The following DNA2 variants were observed in gnomAD, a reference collection of about 807,000 sequenced individuals.
DNA2 encodes DNA replication ATP-dependent helicase/nuclease DNA2.
DNA2 carries 101 observed loss-of-function variants against 119.1 expected under a neutral mutation model. That is an observed-to-expected ratio of 0.85 (90% CI 0.72 to 1.00). The LOEUF (loss-of-function observed/expected upper bound fraction) is 1.00, where lower values mean the gene tolerates loss of function less well. Among genes scored for constraint, DNA2 ranks in the 50% least tolerant of loss-of-function variants. The pLI is 0.00. For missense variants in DNA2, 1,121 were observed against 1,255.5 expected, an observed-to-expected ratio of 0.89 and a Z score of 1.62; for synonymous variants, 366 against 424.4, an observed-to-expected ratio of 0.86 and a Z score of 1.69.
At chr10:68,418,743 G>A (rs2051625681) in intron 19 of DNA2, among the ~76,000 whole-genome samples, 1 of 149,340 alleles carries the variant, frequency 6.7e-6, no homozygotes, top group African/African-American at 2.5e-5. Context: ...TACGATCTCG[G>A]CTCACTGCAA....
chr10:68,449,781 T>C (rs191953154), intron 6 of DNA2, among the ~76,000 whole-genome samples: 1 of 151,642 alleles, frequency 6.6e-6, no homozygotes, highest in Admixed American at 6.6e-5. Flanking sequence ...GGCATGATGG[T>C]GAGGGCCTGT....
chr10:68,450,575 G>A (rs10458651), intron 5 of DNA2, among the ~76,000 whole-genome samples: 13,565 of 152,128 alleles, frequency 0.089, 916 homozygotes, highest in South Asian at 0.24. Flanking sequence ...CTCTGCTCAT[G>A]GAATTTAGTC....
At position 68,468,275 on chromosome 10, in the gene DNA2, T is replaced by A; in HGVS notation, c.289A>T (p.Ile97Phe). 6.2e-7 allele frequency: 1 copy of A among 1,608,058 alleles called. No homozygotes were observed. The highest frequency in any genetic ancestry group is 2.2e-5 in the East Asian group (1 of 44,708). The change falls in exon 3 of 21, where the codon ATT becomes TTT. Residue 97 changes from isoleucine (I) to phenylalanine (F), a missense_variant. Ile to Phe is a conservative substitution (Grantham distance 21). Coordinates refer to ENST00000358410, the MANE Select transcript of DNA2 (RefSeq NM_001080449.3). ...CSVPVEPGDI[I>F]HLEGDCTSDT... ...GATGTGCAGTCTCCCTCCAAATGAA[T>A]GATATCTCCTGGCTCTACTGGAACA...
chr10:68,426,226 C>T (rs974084039), intron 14 of DNA2, among the ~76,000 whole-genome samples: 1 of 150,328 alleles, frequency 6.7e-6, no homozygotes, highest in African/African-American at 2.5e-5. Flanking sequence ...ATGTATATTC[C>T]GGACTTCCTC....
At chr10:68,436,588 T>G (rs2051891782) in intron 10 of DNA2, among the ~76,000 whole-genome samples, 1 of 152,212 alleles carries the variant, frequency 6.6e-6, no homozygotes, top group Non-Finnish European at 1.5e-5. Flanking sequence ...TATATGAATT[T>G]TACCTCAATT....
At chr10:68,422,046 C>A (rs551709941) in intron 17 of DNA2, among the ~76,000 whole-genome samples, 179 bp downstream of exon 17, 2 of 152,244 alleles carry the variant, frequency 1.3e-5, no homozygotes, top group African/African-American at 4.8e-5. Flanking sequence ...AATTCCTGAC[C>A]TTGTGATCTG....
intron 4 of DNA2, among the ~76,000 whole-genome samples, chr10:68,462,578 TC>T (rs1202154524): frequency 3.9e-5 from 6 of 152,142 alleles, no homozygotes; most frequent in African/African-American, 1.4e-4. Flanking sequence ...GGATGATTAT[TC>T]CAGTTCCTTC....
chr10:68,432,026 G>C, intron 12 of DNA2, 55 bp from the exon 13 acceptor site: 1 of 1,393,196 alleles, frequency 7.2e-7, no homozygotes, highest in South Asian at 1.2e-5. Context: ...CAAAGGAAAA[G>C]TTAATTATTT....
intron 9 of DNA2, among the ~76,000 whole-genome samples, chr10:68,438,175 T>C (rs923230248): frequency 6.6e-6 from 1 of 152,084 alleles, no homozygotes; most frequent in African/African-American, 2.4e-5. Flanking sequence ...CTGATACATA[T>C]AATACCATTA....
intron 4 of DNA2, among the ~76,000 whole-genome samples, chr10:68,460,901 C>A (rs1433446811): frequency 2.1e-5 from 3 of 139,586 alleles, no homozygotes; most frequent in Non-Finnish European, 3.0e-5. Flanking sequence ...CAGAGTGAGA[C>A]CCTGTTTAAA....
At chr10:68,470,774 T>C (rs2052374183) in intron 1 of DNA2, among the ~76,000 whole-genome samples, 1 of 152,180 alleles carries the variant, frequency 6.6e-6, no homozygotes, top group Non-Finnish European at 1.5e-5. Flanking sequence ...GTATTGTCCG[T>C]GGTTCACTGA....
At chr10:68,453,046 G>A (rs776947331) in intron 5 of DNA2, among the ~76,000 whole-genome samples, 2 of 151,686 alleles carry the variant, frequency 1.3e-5, no homozygotes, top group South Asian at 2.1e-4. Flanking sequence ...GATTACAAGC[G>A]TGCACCACCA....
intron 14 of DNA2, chr10:68,424,483 G>A (rs1292927386): frequency 7.0e-5 from 41 of 581,706 alleles, no homozygotes; most frequent in Non-Finnish European, 1.2e-4. Context: ...CAGCCTGGGT[G>A]ACAAAGTGAG....
upstream of DNA2, chr10:68,472,125 C>A: frequency 6.9e-7 from 1 of 1,449,746 alleles, no homozygotes. Context: ...GTCTTCATAT[C>A]TGAAGCAGAC....
At chr10:68,464,303 A>C (rs1240672843) in intron 4 of DNA2, among the ~76,000 whole-genome samples, 1 of 151,462 alleles carries the variant, frequency 6.6e-6, no homozygotes. Flanking sequence ...ACTTGAGGTC[A>C]GTAGTACAAA....
rs193147147 is a variant in DNA2 at position 68,440,026 on chromosome 10, G to A, written c.1416-2785C>T. Among the ~76,000 whole-genome samples the A allele has an allele frequency of 8.6e-4, 130 of 150,574 alleles. 4 individuals are homozygous for A. In the East Asian group the frequency reaches 0.02, roughly 24 times the overall value. ...CTCAAAAAAAAAAATTTTTTTGGCT[G>A]GGTGCAGTGGCTCACACCTATAATC... On this transcript the variant is annotated intron_variant, in intron 9 of 20. Transcript: ENST00000358410.
intron 10 of DNA2, among the ~76,000 whole-genome samples, chr10:68,433,985 C>T (rs1170785307): frequency 1.3e-5 from 2 of 152,166 alleles, no homozygotes; most frequent in African/African-American, 4.8e-5. Context: ...TTCGAAAAGG[C>T]TTCCCTTGGG....
chr10:68,446,280 A>G lies in DNA2; in HGVS notation c.1057+16T>C, dbSNP rs1057521508. 8.7e-6 allele frequency: 13 copies of G among 1,490,888 alleles called. No homozygotes were observed. Among genetic ancestry groups the G allele is most frequent in the Non-Finnish European group, 1.2e-5 (13 of 1,098,742 alleles). 92.4% of individuals were successfully genotyped at this position (1,490,888 alleles called of 1,614,324 possible). A position where few individuals can be genotyped will look rare whatever the true frequency, so the allele number is the denominator to read the frequency against. On this transcript the variant is annotated intron_variant, in intron 7 of 20. Coordinates refer to ENST00000358410, the MANE Select transcript of DNA2 (RefSeq NM_001080449.3). ...GGGTGGGCAAAGAAGTAAAACTAAA[A>G]AAAAAACGGCTCAACCTCTTTTATC...
rs756097334 is a variant in DNA2 at position 68,468,303 on chromosome 10, A to C, written c.261T>G (p.Cys87Trp). The change falls in exon 3 of 21, where the codon TGT becomes TGG. Residue 87 changes from cysteine to tryptophan, a missense_variant. Physicochemically the swap from Cys to Trp is radical, Grantham distance 215. Transcript: ENST00000358410. ...KELCILRNDW[C>W]SVPVEPGDII... ...TATCTCCTGGCTCTACTGGAACAGA[A>C]CACCTGAAAATAAAGCAAAGTTAAA... 1.9e-6 allele frequency: 3 copies of C among 1,567,546 alleles called. No homozygotes were observed. In the South Asian group the frequency reaches 3.7e-5, roughly 20 times the overall value.
Sources: gnomAD v4.1 joint callset for allele counts (sites outside exome capture counted in the v4.1 genomes callset) on GRCh38, gnomAD v4.1.1 for gene constraint, MANE v1.5 for transcripts, NCBI Gene and HGNC (gene_info 2026-07-23, HGNC 2026-07-21) for gene names.